SYT9: variants seen among roughly 807,000 people sequenced by gnomAD.
SYT9 encodes the protein synaptotagmin 9.
A neutral mutation model predicts 48.4 loss-of-function variants in SYT9; 22 were observed. The observed-to-expected ratio is 0.45, with a 90% confidence interval of 0.32 to 0.65. The LOEUF (loss-of-function observed/expected upper bound fraction) is 0.65, where lower values mean the gene tolerates loss of function less well. SYT9 is among the 30% of genes least tolerant of loss of function. SYT9 has a pLI of 0.03. For synonymous variants in SYT9, 265 were observed against 245.0 expected, an observed-to-expected ratio of 1.08 and a Z score of -0.76; for missense variants, 577 against 622.0, an observed-to-expected ratio of 0.93 and a Z score of 0.77.
Position 7,252,076 on chromosome 11 carries a change from G to A in SYT9, c.-111G>A. On this transcript the variant is annotated 5_prime_UTR_variant, in exon 1 of 7. Coordinates refer to ENST00000318881, the MANE Select transcript of SYT9 (RefSeq NM_175733.4). The surrounding 1 kb of genome is among the most constrained non-coding windows in gnomAD (Gnocchi z 6.3). ...CTCAGGCTCGCACCGTTTCTCGGCA[G>A]GTCCCTGGCGGTGAGCGCGGACGGC... 1 of 1,224,146 alleles carries A rather than the reference G, an allele frequency of 8.2e-7. No individual in the cohort carries two copies. Among genetic ancestry groups the A allele is most frequent in the Non-Finnish European group, 1.0e-6 (1 of 954,428 alleles). The allele number at this position is 1,224,146 out of a possible 1,614,324, so 75.8% of individuals were successfully genotyped here.
chr11:7,252,362 C>T lies in SYT9; in HGVS notation c.145+31C>T, dbSNP rs1589886609. The T allele has an allele frequency of 2.1e-6, 3 of 1,426,332 alleles. No individual in the cohort carries two copies. Among genetic ancestry groups the T allele is most frequent in the African/African-American group, 1.5e-5 (1 of 67,076 alleles). The allele number at this position is 1,426,332 out of a possible 1,614,324, so 88.4% of individuals were successfully genotyped here. A position where few individuals can be genotyped will look rare whatever the true frequency, so the allele number is the denominator to read the frequency against. Reference sequence around the variant, plus strand: ...TGCCGCCACCGCCGCCTGGAGGGACCTAAGGGCCCTGGGCTGGGACTTGGG... The same window carrying T: ...TGCCGCCACCGCCGCCTGGAGGGACTTAAGGGCCCTGGGCTGGGACTTGGG... On this transcript the variant is annotated intron_variant, in intron 1 of 6. Transcript: ENST00000318881. This position sits in a 1 kb window ranked among gnomAD's most constrained non-coding sequence, Gnocchi z 6.3.
intron 3 of SYT9, among the ~76,000 whole-genome samples, chr11:7,404,591 C>T (rs984469567): frequency 6.6e-6 from 1 of 152,020 alleles, no homozygotes; most frequent in East Asian, 1.9e-4. Flanking sequence ...ACAGTTTCAA[C>T]AATTCTAGCT....
rs77133944 is a variant in SYT9 at position 7,463,854 on chromosome 11, A to T, written c.1468-2938A>T. 1.5e-4 allele frequency among the ~76,000 whole-genome samples: 23 copies of T among 152,326 alleles called. No homozygotes were observed. The East Asian group carries it at 4.4e-3, about 29-fold the overall frequency. On this transcript the variant is annotated intron_variant, in intron 6 of 6. Transcript: ENST00000318881. ...GCTGACCTTGATTCTGGCTAATTAC[A>T]CACACAAGGAAATTCACCAAATGAG...
chr11:7,374,135 T>C (rs1468550158), intron 3 of SYT9, among the ~76,000 whole-genome samples: 1 of 152,124 alleles, frequency 6.6e-6, no homozygotes, highest in Admixed American at 6.5e-5. Context: ...TATGTTCTCA[T>C]TGTTCAACTC....
intron 6 of SYT9, among the ~76,000 whole-genome samples, chr11:7,428,675 G>A (rs770122818): frequency 1.3e-5 from 2 of 152,174 alleles, no homozygotes; most frequent in Non-Finnish European, 2.9e-5. Flanking sequence ...ACAAAGCTGA[G>A]TTTATTGCTT....
chr11:7,391,735 T>TAACAAAAAAAAAAAAAA (rs1846615045), intron 3 of SYT9, among the ~76,000 whole-genome samples: 1 of 35,940 alleles, frequency 2.8e-5, no homozygotes, highest in Non-Finnish European at 5.0e-5. Context: ...ACCCCATCTC[T>TAACAAAAAAAAAAAAAA]AAAAAAAAAA....
chr11:7,465,202 A>G (rs1848310046), intron 6 of SYT9, among the ~76,000 whole-genome samples: 1 of 152,330 alleles, frequency 6.6e-6, no homozygotes, highest in Admixed American at 6.5e-5. Context: ...CTTCCTAGAC[A>G]CAGAAACAAA....
chr11:7,414,275 G>A (rs1394460801), intron 3 of SYT9, among the ~76,000 whole-genome samples: 2 of 152,226 alleles, frequency 1.3e-5, no homozygotes, highest in African/African-American at 2.4e-5. Context: ...GCCAAACCAA[G>A]ATTTTCTGAG....
intron 3 of SYT9, among the ~76,000 whole-genome samples, chr11:7,334,578 C>T (rs1392637637): frequency 2.7e-5 from 4 of 150,146 alleles, no homozygotes; most frequent in East Asian, 2.0e-4. Context: ...AAATAATGAA[C>T]GTATCTGTCA....
intron 2 of SYT9, among the ~76,000 whole-genome samples, chr11:7,308,423 G>A (rs1001182895): frequency 6.6e-6 from 1 of 152,174 alleles, no homozygotes. Context: ...GGGTGTTGGG[G>A]ATATGAGTGC....
chr11:7,332,802 A>T (rs1204089134), intron 3 of SYT9, among the ~76,000 whole-genome samples: 2 of 152,212 alleles, frequency 1.3e-5, no homozygotes, highest in Non-Finnish European at 2.9e-5. Context: ...CTAGATGAAA[A>T]AAACAAATCT....
At chr11:7,248,883 T>G (rs1847825964), upstream of SYT9, among the ~76,000 whole-genome samples, 1 of 152,160 alleles carries the variant, frequency 6.6e-6, no homozygotes, top group Non-Finnish European at 1.5e-5. Context: ...AAAGCAAGAC[T>G]AAGCAAAAAG....
chr11:7,310,367 C>G (rs1323374022), intron 2 of SYT9, among the ~76,000 whole-genome samples: 1 of 151,246 alleles, frequency 6.6e-6, no homozygotes, highest in Non-Finnish European at 1.5e-5. Flanking sequence ...CTCCTGACCT[C>G]AAGTGATCCA....
At chr11:7,325,676 T>A (rs1419823202) in intron 3 of SYT9, among the ~76,000 whole-genome samples, 2 of 97,142 alleles carry the variant, frequency 2.1e-5, no homozygotes, top group African/African-American at 4.5e-5. Flanking sequence ...AGAGAGGGCA[T>A]CTCTGTCTTG....
chr11:7,337,132 T>C (rs2133985345), intron 3 of SYT9, among the ~76,000 whole-genome samples: 1 of 152,310 alleles, frequency 6.6e-6, no homozygotes, highest in South Asian at 2.1e-4. Context: ...GCATTCCTGA[T>C]TTGGCTCTCG....
At chr11:7,449,546 G>A (rs1384968566) in intron 6 of SYT9, among the ~76,000 whole-genome samples, 1 of 152,090 alleles carries the variant, frequency 6.6e-6, no homozygotes, top group East Asian at 1.9e-4. Flanking sequence ...TAGGTGTGGA[G>A]CACCAGAGGA....
chr11:7,255,291 G>A (rs7943126), intron 1 of SYT9, among the ~76,000 whole-genome samples: 79,686 of 151,890 alleles, frequency 0.52, 21,097 homozygotes, highest in Admixed American at 0.56. Context: ...GACTTCAGAG[G>A]TGGCTGGAGA....
chr11:7,363,853 G>A (rs1295063233), intron 3 of SYT9, among the ~76,000 whole-genome samples: 2 of 152,070 alleles, frequency 1.3e-5, no homozygotes, highest in African/African-American at 4.8e-5. Flanking sequence ...AGCAATTTAG[G>A]TAGAGCCCTT....
intron 1 of SYT9, among the ~76,000 whole-genome samples, chr11:7,254,190 C>T (rs1847923756): frequency 6.6e-6 from 1 of 152,148 alleles, no homozygotes; most frequent in South Asian, 2.1e-4. Context: ...TAGGAGTCGA[C>T]CTTGCTGCTC....
Sources: allele counts gnomAD v4.1 joint callset (sites outside exome capture counted in the v4.1 genomes callset), GRCh38; gene constraint gnomAD v4.1.1; non-coding constraint Gnocchi (gnomAD v3.1); transcripts MANE v1.5; gene names NCBI Gene and HGNC (gene_info 2026-07-23, HGNC 2026-07-21).